Variants in ST8SIA4 observed in about 807,000 individuals in gnomAD.
ST8SIA4 encodes the protein ST8 alpha-N-acetyl-neuraminide alpha-2,8-sialyltransferase 4.
Under a neutral mutation model 33.9 loss-of-function variants are expected in ST8SIA4, and 15 were observed. The ratio of observed to expected loss-of-function variants is 0.44; its 90% CI spans 0.30 to 0.68. The LOEUF (loss-of-function observed/expected upper bound fraction) is 0.68, where lower values mean the gene tolerates loss of function less well. Ranked by LOEUF, ST8SIA4 falls within the 30% of genes least tolerant of loss-of-function variation. The pLI, the probability that ST8SIA4 is intolerant of heterozygous loss-of-function variation, is 0.10. For missense variants in ST8SIA4, 321 were observed against 428.0 expected (o/e 0.75, Z 2.21); for synonymous variants, 171 against 151.2 (o/e 1.13, Z -0.96).
At chr5:100,852,332 G>C (rs1751721904) in intron 4 of ST8SIA4, among the ~76,000 whole-genome samples, 1 of 151,156 alleles carries the variant, frequency 6.6e-6, no homozygotes, top group African/African-American at 2.4e-5. Context: ...ATGTTGGCCA[G>C]GCTCGTCTCA....
At chr5:100,902,472 T>C (rs1056995076) in intron 1 of ST8SIA4, among the ~76,000 whole-genome samples, 3 of 152,170 alleles carry the variant, frequency 2.0e-5, no homozygotes, top group African/African-American at 7.2e-5. Context: ...CCTTAGGTGA[T>C]AGGACATTGA....
At chr5:100,859,336 A>G (rs886312311) in intron 3 of ST8SIA4, among the ~76,000 whole-genome samples, 2 of 152,110 alleles carry the variant, frequency 1.3e-5, no homozygotes, top group Non-Finnish European at 2.9e-5. Context: ...TTAATCTCAT[A>G]AAATAGAGGA....
At chr5:100,815,914 T>C (rs1750906638) in intron 4 of ST8SIA4, among the ~76,000 whole-genome samples, 1 of 152,142 alleles carries the variant, frequency 6.6e-6, no homozygotes, top group African/African-American at 2.4e-5. Flanking sequence ...TAATAAGCAA[T>C]ACTACTTGGC....
chr5:100,840,556 C>T (rs971006437), intron 4 of ST8SIA4, among the ~76,000 whole-genome samples: 9 of 151,606 alleles, frequency 5.9e-5, no homozygotes, highest in Admixed American at 5.3e-4. Context: ...GAACATTGAG[C>T]GAGTTGCAAA....
intron 4 of ST8SIA4, among the ~76,000 whole-genome samples, chr5:100,823,003 C>T (rs1375434173): frequency 6.6e-6 from 1 of 151,912 alleles, no homozygotes; most frequent in Non-Finnish European, 1.5e-5. Context: ...TGGTGGCGGG[C>T]GCCTGTAGTC....
At chr5:100,891,706 T>C (rs1385410305) in intron 2 of ST8SIA4, among the ~76,000 whole-genome samples, 3 of 152,004 alleles carry the variant, frequency 2.0e-5, no homozygotes, top group Non-Finnish European at 4.4e-5. Context: ...GAGAATCATT[T>C]ATTCCATAAT....
Position 100,852,755 on chromosome 5 carries a change from T to C in ST8SIA4, c.797+3348A>G, listed in dbSNP as rs1360442687. 5.3e-5 allele frequency among the ~76,000 whole-genome samples: 8 copies of C among 152,216 alleles called. No homozygotes were observed. In the East Asian group the frequency reaches 9.6e-4, roughly 18 times the overall value. On this transcript the variant is annotated intron_variant, in intron 4 of 4. Coordinates refer to ENST00000231461, the MANE Select transcript of ST8SIA4 (RefSeq NM_005668.6). ...ATTTTGTGACTGATGGTTTCATCTTTAGAGCTTTTAGAAAAATCTAAAATT... is the reference window on the plus strand; with the variant it reads ...ATTTTGTGACTGATGGTTTCATCTTCAGAGCTTTTAGAAAAATCTAAAATT...
At chr5:100,850,802 ATG>A (rs1561394093) in intron 4 of ST8SIA4, among the ~76,000 whole-genome samples, 2 of 34,492 alleles carry the variant, frequency 5.8e-5, no homozygotes, top group South Asian at 2.7e-3. Context: ...TATATATAAC[ATG>A]TGTGTGTATA....
intron 3 of ST8SIA4, among the ~76,000 whole-genome samples, chr5:100,873,765 T>C (rs535488621): frequency 6.6e-6 from 1 of 152,278 alleles, no homozygotes; most frequent in East Asian, 1.9e-4. Flanking sequence ...CTAGGAGCGA[T>C]GGAATGAGAC....
chr5:100,869,617 T>C (rs1395365833), intron 3 of ST8SIA4, among the ~76,000 whole-genome samples: 2 of 152,134 alleles, frequency 1.3e-5, no homozygotes, highest in East Asian at 3.9e-4. Flanking sequence ...TACTTCTCAG[T>C]ATGTTTCTCT....
chr5:100,865,121 C>T (rs1018400911), intron 3 of ST8SIA4, among the ~76,000 whole-genome samples: 1 of 152,178 alleles, frequency 6.6e-6, no homozygotes, highest in Admixed American at 6.5e-5. Context: ...TTCCAGTTTA[C>T]CCAGTTTTCT....
chr5:100,893,193 A>T (rs1004394711), intron 2 of ST8SIA4, among the ~76,000 whole-genome samples: 1 of 152,150 alleles, frequency 6.6e-6, no homozygotes, highest in Non-Finnish European at 1.5e-5. Flanking sequence ...ATCTTTTCAA[A>T]AATATTTGCA....
At chr5:100,900,449 C>G (rs886893794) in intron 1 of ST8SIA4, 1 of 455,324 alleles carries the variant, frequency 2.2e-6, no homozygotes, top group Non-Finnish European at 4.4e-6. Flanking sequence ...TGAGTCAACT[C>G]CTCCACCAGA....
chr5:100,849,710 G>T (rs1391055016), intron 4 of ST8SIA4, among the ~76,000 whole-genome samples: 1 of 151,892 alleles, frequency 6.6e-6, no homozygotes, highest in Non-Finnish European at 1.5e-5. Flanking sequence ...AGAATCAATC[G>T]CTCGAACTCA....
chr5:100,854,566 G>A (rs781664098), intron 4 of ST8SIA4, among the ~76,000 whole-genome samples: 1 of 152,050 alleles, frequency 6.6e-6, no homozygotes, highest in Admixed American at 6.6e-5. Flanking sequence ...CTGGGCAACA[G>A]AGTGAGACTC....
intron 4 of ST8SIA4, among the ~76,000 whole-genome samples, chr5:100,845,822 T>C (rs1338170686): frequency 1.3e-5 from 2 of 152,024 alleles, no homozygotes; most frequent in Non-Finnish European, 1.5e-5. Context: ...GATTTCTTTA[T>C]GCAGATTTTG....
chr5:100,898,021 C>T (rs2112485465), intron 1 of ST8SIA4, among the ~76,000 whole-genome samples: 1 of 152,290 alleles, frequency 6.6e-6, no homozygotes, highest in Non-Finnish European at 1.5e-5. Flanking sequence ...ATCACTATTT[C>T]TGTGGATAAG....
chr5:100,845,220 T>C (rs552010682), intron 4 of ST8SIA4, among the ~76,000 whole-genome samples: 1 of 152,058 alleles, frequency 6.6e-6, no homozygotes, highest in Non-Finnish European at 1.5e-5. Context: ...TAAAGTACAC[T>C]TGTATCATTT....
At chr5:100,881,934 T>C (rs1752434535) in intron 3 of ST8SIA4, among the ~76,000 whole-genome samples, 1 of 152,204 alleles carries the variant, frequency 6.6e-6, no homozygotes, top group African/African-American at 2.4e-5. Flanking sequence ...TAAGTCCAAT[T>C]AAACCTCTTT....
Sources: allele counts gnomAD v4.1 joint callset (sites outside exome capture counted in the v4.1 genomes callset), GRCh38; gene constraint gnomAD v4.1.1; transcripts MANE v1.5; gene names NCBI Gene and HGNC (gene_info 2026-07-23, HGNC 2026-07-21).